FAM168A: variants seen among roughly 807,000 people sequenced by gnomAD.
The protein encoded by FAM168A is protein FAM168A.
FAM168A carries 3 observed loss-of-function variants against 28.5 expected under a neutral mutation model. The observed-to-expected ratio is 0.11, with a 90% CI of 0.05 to 0.27. FAM168A has a LOEUF of 0.27. Among genes scored for constraint, FAM168A ranks in the 10% least tolerant of loss-of-function variants. The pLI, the probability that FAM168A is intolerant of heterozygous loss-of-function variation, is 1.00. For synonymous variants in FAM168A, 122 were observed against 124.2 expected, an observed-to-expected ratio of 0.98 and a Z score of 0.12; for missense variants, 222 against 311.5, an observed-to-expected ratio of 0.71 and a Z score of 2.16.
At chr11:73,497,116 C>A (rs554920369) in intron 1 of FAM168A, among the ~76,000 whole-genome samples, 1 of 152,276 alleles carries the variant, frequency 6.6e-6, no homozygotes, top group African/African-American at 2.4e-5. Context: ...TTCATTCTCA[C>A]CACTTGCTCT....
chr11:73,592,241 C>T (rs1003608782), intron 1 of FAM168A, among the ~76,000 whole-genome samples: 1 of 152,226 alleles, frequency 6.6e-6, no homozygotes, highest in African/African-American at 2.4e-5. Context: ...ACCTGCCTAA[C>T]TGGCAGGAGG....
Position 73,419,089 on chromosome 11 carries a change from C to T in FAM168A, c.277+785G>A, listed in dbSNP as rs1179583857. On this transcript the variant is annotated intron_variant, in intron 4 of 7. Coordinates refer to ENST00000356467, the MANE Select transcript of FAM168A (RefSeq NM_015159.3). ...CCTCCCAAAGTGCTGGGATTACAGG[C>T]ATGAGCCACCGCGCCCGGCTGCCAC... Among the ~76,000 whole-genome samples, 5 of 152,164 alleles carry T rather than the reference C, an allele frequency of 3.3e-5. No homozygotes were observed. In the East Asian group the frequency reaches 9.6e-4, roughly 29 times the overall value.
chr11:73,419,240 G>A (rs1866751089), intron 4 of FAM168A, among the ~76,000 whole-genome samples: 1 of 152,176 alleles, frequency 6.6e-6, no homozygotes, highest in African/African-American at 2.4e-5. Context: ...AGTCTGACTG[G>A]CTAGCTGGTT....
At chr11:73,435,387 T>C (rs1168847665) in intron 2 of FAM168A, among the ~76,000 whole-genome samples, 2 of 152,234 alleles carry the variant, frequency 1.3e-5, no homozygotes, top group Non-Finnish European at 2.9e-5. Flanking sequence ...TGTTTTGTCA[T>C]TTCAGATGTC....
intron 3 of FAM168A, chr11:73,420,848 C>A (rs1435641520): frequency 1.3e-5 from 2 of 152,544 alleles, no homozygotes; most frequent in Non-Finnish European, 2.9e-5. Flanking sequence ...AAGGATGATA[C>A]TTCATATGTT....
At chr11:73,550,653 T>C (rs546143418) in intron 1 of FAM168A, among the ~76,000 whole-genome samples, 8 of 151,860 alleles carry the variant, frequency 5.3e-5, no homozygotes, top group Admixed American at 1.3e-4. Context: ...AGACTCTGTC[T>C]CAAAAATAAA....
intron 1 of FAM168A, among the ~76,000 whole-genome samples, chr11:73,491,063 A>C (rs985522830): frequency 2.0e-5 from 3 of 152,156 alleles, no homozygotes; most frequent in African/African-American, 7.2e-5. Flanking sequence ...ACAAATACTA[A>C]TTTCAGTTGG....
At chr11:73,412,391 G>A (rs1866628371) in intron 4 of FAM168A, 1 of 152,220 alleles carries the variant, frequency 6.6e-6, no homozygotes, top group Non-Finnish European at 1.5e-5. Context: ...CTGGAGCTAA[G>A]AATGGGGCTG....
chr11:73,489,981 A>T (rs1868106805), intron 1 of FAM168A, among the ~76,000 whole-genome samples: 1 of 151,928 alleles, frequency 6.6e-6, no homozygotes, highest in Non-Finnish European at 1.5e-5. Context: ...TACACTCTCA[A>T]AGCCCCCTTA....
intron 1 of FAM168A, among the ~76,000 whole-genome samples, chr11:73,484,548 C>CTATATCTA (rs757019842): frequency 0.28 from 34,647 of 124,298 alleles, 4,730 homozygotes; most frequent in South Asian, 0.34. Flanking sequence ...ATATATCTAT[C>CTATATCTA]TATATCTATA....
At chr11:73,439,574 GC>G (rs1219261229) in intron 2 of FAM168A, among the ~76,000 whole-genome samples, 1 of 152,194 alleles carries the variant, frequency 6.6e-6, no homozygotes, top group African/African-American at 2.4e-5. Flanking sequence ...CCAAGAGTGT[GC>G]TGTTGCCTCA....
chr11:73,480,572 A>G (rs1288575822), intron 1 of FAM168A, among the ~76,000 whole-genome samples: 1 of 152,198 alleles, frequency 6.6e-6, no homozygotes, highest in Non-Finnish European at 1.5e-5. Context: ...GTGCTGCATT[A>G]GAACAAAGTG....
intron 3 of FAM168A, chr11:73,430,337 GGT>G (rs369017256): frequency 1.7e-4 from 52 of 304,228 alleles, no homozygotes; most frequent in South Asian, 3.5e-4. Context: ...TGTGTCCCAA[GGT>G]GTGTGTGTGT....
At position 73,540,063 on chromosome 11, in the gene FAM168A, T is replaced by C. The variant is rs1943635314; in HGVS notation, c.-19+57860A>G. Among the ~76,000 whole-genome samples, 3 of 152,360 alleles carry C rather than the reference T, an allele frequency of 2.0e-5. No individual in the cohort carries two copies. In the South Asian group the frequency reaches 6.2e-4, roughly 32 times the overall value. ...AAGCTGCTATTTTTGTACCTACTCA[T>C]CAACTTCTAAATCATTTTCTTTTTT... On this transcript the variant is annotated intron_variant, in intron 1 of 7. Transcript: ENST00000356467.
At position 73,436,051 on chromosome 11, in the gene FAM168A, A is replaced by T. The variant is rs143678663; in HGVS notation, c.71-5281T>A. ...TTAGAAACAAGCCTGCCCCTTTTGT[A>T]TTTGTATTTTTTGAAGGTCAAGAGT... is the stretch of plus-strand genomic sequence containing the variant. On this transcript the variant is annotated intron_variant, in intron 2 of 7. Transcript: ENST00000356467. Among the ~76,000 whole-genome samples, 721 of 152,286 alleles carry T rather than the reference A, an allele frequency of 4.7e-3. 10 individuals carry two copies. The highest frequency in any genetic ancestry group is 0.015 in the African/African-American group (606 of 41,548).
At chr11:73,592,964 C>T (rs1944399427) in intron 1 of FAM168A, among the ~76,000 whole-genome samples, 2 of 151,528 alleles carry the variant, frequency 1.3e-5, no homozygotes. Context: ...TTATCATGAG[C>T]ACACATTATT....
rs1486739523 is a variant in FAM168A at position 73,405,556 on chromosome 11, TA to T, written c.*1206del. The stretch of plus-strand genomic sequence containing the variant: ...GGCCTCAGTTTCCTCATCTGCCAAA[TA>T]GGGAAATGGATGAGATGATTGCTAA... On this transcript the variant is annotated 3_prime_UTR_variant, in exon 8 of 8. Transcript: ENST00000356467. 6.6e-6 allele frequency: 1 copy of T among 152,226 alleles called. No individual in the cohort carries two copies. Among genetic ancestry groups the T allele is most frequent in the Non-Finnish European group, 1.5e-5 (1 of 68,078 alleles). The allele number at this position is 152,226 out of a possible 1,614,324, so 9.4% of individuals were successfully genotyped here.
At position 73,545,606 on chromosome 11, in the gene FAM168A, A is replaced by C. The variant is rs529204396; in HGVS notation, c.-19+52317T>G. Among the ~76,000 whole-genome samples, 3 of 152,136 alleles carry C rather than the reference A, an allele frequency of 2.0e-5. No individual in the cohort carries two copies. The South Asian group carries it at 6.2e-4, about 32-fold the overall frequency. On this transcript the variant is annotated intron_variant, in intron 1 of 7. Coordinates refer to ENST00000356467, the MANE Select transcript of FAM168A (RefSeq NM_015159.3). ...TTGTGTGGCATATGAATTATATCTC[A>C]GTAAAGCTCTTTAACTTTTAAAATA...
At chr11:73,438,559 G>C (rs1867134936) in intron 2 of FAM168A, among the ~76,000 whole-genome samples, 1 of 152,178 alleles carries the variant, frequency 6.6e-6, no homozygotes, top group Non-Finnish European at 1.5e-5. Flanking sequence ...TAAAAAGGTA[G>C]ACTGGGGGAC....
Sources: allele counts gnomAD v4.1 joint callset (sites outside exome capture counted in the v4.1 genomes callset), GRCh38; gene constraint gnomAD v4.1.1; transcripts MANE v1.5; gene names NCBI Gene and HGNC (gene_info 2026-07-23, HGNC 2026-07-21).